Variants in HM13 observed in about 807,000 individuals in gnomAD.
The protein encoded by HM13 is signal peptide peptidase.
A neutral mutation model predicts 50.0 loss-of-function variants in HM13; 18 were observed. The ratio of observed to expected loss-of-function variants is 0.36; its 90% CI spans 0.25 to 0.53. HM13 has a LOEUF of 0.53. Ranked by LOEUF, HM13 falls within the 20% of genes least tolerant of loss-of-function variation. The pLI, the probability that HM13 is intolerant of heterozygous loss-of-function variation, is 0.90. For synonymous variants in HM13, 197 were observed against 232.6 expected (o/e 0.85, Z 1.39); for missense variants, 393 against 552.4 (o/e 0.71, Z 2.89).
intron 3 of HM13, among the ~76,000 whole-genome samples, chr20:31,542,319 C>A (rs1041283394): frequency 3.9e-5 from 6 of 152,192 alleles, no homozygotes; most frequent in African/African-American, 1.4e-4. Flanking sequence ...TGAGCTCGTG[C>A]CCCACCCAGC....
At chr20:31,555,302 A>G (rs1984248817) in intron 8 of HM13, among the ~76,000 whole-genome samples, 1 of 152,206 alleles carries the variant, frequency 6.6e-6, no homozygotes, top group South Asian at 2.1e-4. Context: ...TCCAGGGAGA[A>G]CACACACATG....
chr20:31,568,518 C>G (rs562461154), intron 12 of HM13, among the ~76,000 whole-genome samples: 1 of 152,158 alleles, frequency 6.6e-6, no homozygotes, highest in South Asian at 2.1e-4. Flanking sequence ...ATATGTATAA[C>G]CTTAGGCAAG....
At chr20:31,567,137 G>A (rs1046630398) in intron 11 of HM13, among the ~76,000 whole-genome samples, 7 of 151,910 alleles carry the variant, frequency 4.6e-5, no homozygotes, top group Admixed American at 1.3e-4. Flanking sequence ...CCAGCCCCCC[G>A]CCTGCCTGCC....
chr20:31,569,100 G>GTT lies in HM13; in HGVS notation c.1182-8_1182-7dup, dbSNP rs72290697. On this transcript the variant is annotated intron_variant, in intron 12 of 12. Transcript: ENST00000398174. ...CTCCTCTAAATGAATTTTTATTGTT[G>GTT]TTTTTTTTTTTTTGGTCAGTTATGA... 5.8e-3 allele frequency: 6,773 copies of GTT among 1,173,954 alleles called. 3 individuals carry two copies. Among genetic ancestry groups the GTT allele is most frequent in the African/African-American group, 0.026 (1,618 of 61,922 alleles). 72.7% of individuals were successfully genotyped at this position (1,173,954 alleles called of 1,614,324 possible). A position where few individuals can be genotyped will look rare whatever the true frequency, so the allele number is the denominator to read the frequency against.
In HM13 at chr20:31,514,508, T is replaced by C. The variant is rs1004340665; in HGVS notation, c.-44T>C. On this transcript the variant is annotated 5_prime_UTR_variant, in exon 1 of 13. Coordinates refer to ENST00000398174, the MANE Select transcript of HM13 (RefSeq NM_178581.3). The surrounding 1 kb of genome is among the most constrained non-coding windows in gnomAD (Gnocchi z 4.3). ...CCGGTGTCTCCGCCTGCGTCCCTGC[T>C]GCAGCAACCGGAGCTGGAGTCGGAT... 1.9e-6 allele frequency: 3 copies of C among 1,578,476 alleles called. No individual in the cohort carries two copies. The highest frequency in any genetic ancestry group is 2.6e-6 in the Non-Finnish European group (3 of 1,164,006).
chr20:31,536,621 C>T (rs1983123035), intron 2 of HM13, among the ~76,000 whole-genome samples: 1 of 152,212 alleles, frequency 6.6e-6, no homozygotes, highest in Admixed American at 6.5e-5. Flanking sequence ...ACTGCAGGGT[C>T]TGGCTCCCTT....
At chr20:31,521,451 C>A (rs1197872148) in intron 1 of HM13, among the ~76,000 whole-genome samples, 3 of 152,130 alleles carry the variant, frequency 2.0e-5, no homozygotes, top group Non-Finnish European at 2.9e-5. Context: ...GCTGGCCAGG[C>A]GTGATGGCTC....
At chr20:31,537,249 G>A (rs1983166079) in intron 2 of HM13, among the ~76,000 whole-genome samples, 1 of 152,148 alleles carries the variant, frequency 6.6e-6, no homozygotes, top group South Asian at 2.1e-4. Flanking sequence ...AGTGTGTAGA[G>A]CAAGAGCATG....
intron 2 of HM13, among the ~76,000 whole-genome samples, chr20:31,529,220 GC>G (rs1231697846): frequency 5.3e-5 from 8 of 151,586 alleles, no homozygotes; most frequent in Non-Finnish European, 1.2e-4. Flanking sequence ...ACAGATGTAA[GC>G]CACTATGCCA....
At chr20:31,542,426 A>G (rs1176568386) in intron 3 of HM13, among the ~76,000 whole-genome samples, 1 of 152,210 alleles carries the variant, frequency 6.6e-6, no homozygotes, top group Non-Finnish European at 1.5e-5. Context: ...TTCCACCCCC[A>G]GGGGAGAAGG....
intron 10 of HM13, among the ~76,000 whole-genome samples, chr20:31,565,243 C>T (rs1984840635): frequency 6.6e-6 from 1 of 151,590 alleles, no homozygotes. Context: ...ATTTGGGAGG[C>T]CGAGGCAGGT....
At chr20:31,565,438 C>T (rs1984851856) in intron 10 of HM13, among the ~76,000 whole-genome samples, 1 of 146,190 alleles carries the variant, frequency 6.8e-6, no homozygotes, top group Admixed American at 6.9e-5. Context: ...AAGATTGCAC[C>T]ATTGCACTCC....
intron 10 of HM13, 186 bp from the exon 11 acceptor site, chr20:31,566,024 C>G (rs144338846): frequency 8.2e-6 from 4 of 486,820 alleles, no homozygotes; most frequent in Non-Finnish European, 1.5e-5. Context: ...CTTGCATTCC[C>G]TCTCGGGAGG....
At chr20:31,515,415 G>A (rs6120574) in intron 1 of HM13, among the ~76,000 whole-genome samples, 5 of 152,182 alleles carry the variant, frequency 3.3e-5, no homozygotes, top group African/African-American at 9.7e-5. Flanking sequence ...TTTCCAACTA[G>A]GCATGGACGT....
In HM13 at chr20:31,566,243, G is replaced by A. The variant is rs772766988; in HGVS notation, c.982G>A (p.Gly328Ser). 5.0e-6 allele frequency: 8 copies of A among 1,613,826 alleles called. No homozygotes were observed. The highest frequency in any genetic ancestry group is 6.8e-6 in the Non-Finnish European group (8 of 1,179,958). The change falls in exon 11 of 13, where the codon GGT becomes AGT. Residue 328 changes from glycine to serine, a missense_variant. Coordinates refer to ENST00000398174, the MANE Select transcript of HM13 (RefSeq NM_178581.3). ...CCTATACCTGGTCCCCGCCTGCATC[G>A]GTTTTCCTGTCCTGGTGGCGCTGGC... The part of the protein sequence containing the change: ...ALLYLVPACI[G>S]FPVLVALAKG...
intron 2 of HM13, chr20:31,527,788 A>G (rs1018495579): frequency 3.8e-6 from 2 of 525,052 alleles, no homozygotes; most frequent in Admixed American, 7.3e-5. Flanking sequence ...TCTTTTCTCC[A>G]TGTAGCTTTT....
In HM13 at chr20:31,522,928, C is replaced by A. The variant is rs555231038; in HGVS notation, c.184-4556C>A. ...AGAGCTGGGAGTCCAAATGGACTTC[C>A]TGATCTCAGAGTCCCTTCATAACTG... On this transcript the variant is annotated intron_variant, in intron 1 of 12. Transcript: ENST00000398174. Among the ~76,000 whole-genome samples, 3 of 152,060 alleles carry A rather than the reference C, an allele frequency of 2.0e-5. No homozygotes were observed. In the South Asian group the frequency reaches 6.2e-4, roughly 32 times the overall value.
intron 11 of HM13, among the ~76,000 whole-genome samples, chr20:31,566,646 A>G (rs1458962624): frequency 6.6e-6 from 1 of 151,884 alleles, no homozygotes; most frequent in Non-Finnish European, 1.5e-5. Context: ...TTCCCCTCCC[A>G]TGGCCTCAGT....
intron 4 of HM13, chr20:31,547,892 C>A (rs1013797609): frequency 3.5e-5 from 37 of 1,055,122 alleles, no homozygotes; most frequent in Non-Finnish European, 5.4e-5. Context: ...GCAGTAGATA[C>A]GATTGTAGCA....
Sources: allele counts gnomAD v4.1 joint callset (sites outside exome capture counted in the v4.1 genomes callset), GRCh38; gene constraint gnomAD v4.1.1; non-coding constraint Gnocchi (gnomAD v3.1); transcripts MANE v1.5; gene names NCBI Gene and HGNC (gene_info 2026-07-23, HGNC 2026-07-21).